SGCE: variants seen among roughly 807,000 people sequenced by gnomAD.
SGCE encodes the protein sarcoglycan epsilon.
SGCE carries 26 observed loss-of-function variants against 57.8 expected under a neutral mutation model. The observed-to-expected ratio is 0.45, with a 90% CI of 0.33 to 0.62. SGCE has a LOEUF of 0.62. Ranked by LOEUF, SGCE falls within the 20% of genes least tolerant of loss-of-function variation. SGCE has a pLI of 0.02. For synonymous variants in SGCE, 183 were observed against 189.5 expected (o/e 0.97, Z 0.28); for missense variants, 468 against 548.6 (o/e 0.85, Z 1.47).
intron 10 of SGCE, chr7:94,586,972 A>G: frequency 1.0e-6 from 1 of 984,384 alleles, no homozygotes; most frequent in Non-Finnish European, 1.2e-6. Context: ...TTTAGTCTAT[A>G]ATATGATCCA....
intron 5 of SGCE, among the ~76,000 whole-genome samples, chr7:94,614,107 CAA>C (rs925650428): frequency 1.2e-4 from 11 of 94,962 alleles, no homozygotes; most frequent in African/African-American, 3.9e-4. Context: ...AAATTGAAAT[CAA>C]AAAAAAAAAA....
At chr7:94,588,098 T>C in intron 10 of SGCE, 1 of 1,197,272 alleles carries the variant, frequency 8.4e-7, no homozygotes, top group Non-Finnish European at 1.0e-6. Flanking sequence ...TAGAGATGAA[T>C]GAAATAATTG....
intron 7 of SGCE, chr7:94,600,368 T>C: frequency 2.6e-6 from 1 of 382,128 alleles, no homozygotes. Flanking sequence ...ATAACCAAAA[T>C]ATCTAGCCTC....
At chr7:94,609,098 G>A (rs1411070926) in intron 5 of SGCE, among the ~76,000 whole-genome samples, 1 of 152,204 alleles carries the variant, frequency 6.6e-6, no homozygotes, top group Non-Finnish European at 1.5e-5. Flanking sequence ...TTTCTCTTCT[G>A]CAAAAGACAC....
At chr7:94,587,706 T>G in intron 10 of SGCE, 1 of 1,534,048 alleles carries the variant, frequency 6.5e-7, no homozygotes, top group South Asian at 1.2e-5. Flanking sequence ...AAGCAAGTAA[T>G]CAAAATTGTA....
chr7:94,629,936 C>A (rs1804428055), intron 1 of SGCE, 95 bp from the exon 2 acceptor site: 1 of 1,416,280 alleles, frequency 7.1e-7, no homozygotes, highest in South Asian at 1.2e-5. Context: ...AGGGGTCTCA[C>A]TATGTAGACA....
At chr7:94,586,061 G>GAAAAAAAAAAAAAAAA (rs780812386) in intron 10 of SGCE, among the ~76,000 whole-genome samples, 1 of 28,904 alleles carries the variant, frequency 3.5e-5, no homozygotes, top group Non-Finnish European at 5.9e-5. Flanking sequence ...GGAACTAAAT[G>GAAAAAAAAAAAAAAAA]AAAAAAAAAA....
At chr7:94,630,035 A>G in intron 1 of SGCE, 194 bp from the exon 2 acceptor site, 1 of 577,184 alleles carries the variant, frequency 1.7e-6, no homozygotes, top group Non-Finnish European at 3.0e-6. Flanking sequence ...ATGGGAAAAA[A>G]TTCTTTTGAT....
At chr7:94,641,598 G>A (rs1175777140) in intron 1 of SGCE, among the ~76,000 whole-genome samples, 3 of 152,078 alleles carry the variant, frequency 2.0e-5, no homozygotes, top group Non-Finnish European at 4.4e-5. Context: ...AAAAGGAAAG[G>A]AAAGTGAAGA....
At chr7:94,585,960 C>G (rs1015943752) in intron 10 of SGCE, among the ~76,000 whole-genome samples, 2 of 144,324 alleles carry the variant, frequency 1.4e-5, no homozygotes, top group Non-Finnish European at 3.0e-5. Flanking sequence ...TTTAACTGCT[C>G]TATTATCCCA....
At chr7:94,651,361 C>T (rs1807844812) in intron 1 of SGCE, among the ~76,000 whole-genome samples, 1 of 152,296 alleles carries the variant, frequency 6.6e-6, no homozygotes, top group South Asian at 2.1e-4. Context: ...GTCATTCGTA[C>T]AAATGCTGAG....
At chr7:94,636,648 T>A (rs1805626217) in intron 1 of SGCE, among the ~76,000 whole-genome samples, 1 of 152,244 alleles carries the variant, frequency 6.6e-6, no homozygotes, top group South Asian at 2.1e-4. Context: ...ATCTGGAGTA[T>A]TCCTTATTGC....
intron 1 of SGCE, among the ~76,000 whole-genome samples, chr7:94,631,769 A>C (rs1804764895): frequency 6.6e-6 from 1 of 151,960 alleles, no homozygotes; most frequent in South Asian, 2.1e-4. Context: ...ACTCCTGCTA[A>C]AAAGTCATTT....
rs1457929148 is a variant in SGCE at position 94,587,960 on chromosome 7, A to G, written c.1297+729T>C. The G allele has an allele frequency of 3.5e-6, 5 of 1,426,228 alleles. No individual in the cohort carries two copies. The African/African-American group carries it at 5.9e-5, about 17-fold the overall frequency. 88.3% of individuals were successfully genotyped at this position (1,426,228 alleles called of 1,614,324 possible). Reference sequence around the variant, plus strand: ...ATTCATACTCAGAATTCCACACCCAACTTACATTTTTAAAACTTCTCTTGC... The same window carrying G: ...ATTCATACTCAGAATTCCACACCCAGCTTACATTTTTAAAACTTCTCTTGC... On this transcript the variant is annotated intron_variant, in intron 10 of 10. Coordinates refer to ENST00000648936, the MANE Select transcript of SGCE (RefSeq NM_003919.3).
chr7:94,643,904 C>T (rs1018650195), intron 1 of SGCE, among the ~76,000 whole-genome samples: 9 of 152,056 alleles, frequency 5.9e-5, no homozygotes, highest in African/African-American at 2.2e-4. Context: ...AATATGTATC[C>T]TACCTACAAC....
At chr7:94,613,276 GTAA>G (rs969358814) in intron 5 of SGCE, among the ~76,000 whole-genome samples, 1 of 152,084 alleles carries the variant, frequency 6.6e-6, no homozygotes, top group African/African-American at 2.4e-5. Context: ...GAGTCCATGT[GTAA>G]TAATAATAAC....
At chr7:94,607,562 T>G (rs6943782) in intron 5 of SGCE, among the ~76,000 whole-genome samples, 119,132 of 152,092 alleles carry the variant, frequency 0.78, 47,378 homozygotes, top group African/African-American at 0.92. Flanking sequence ...GACAGCATCA[T>G]CAGATGCAGG....
At chr7:94,654,404 T>TAAAC (rs1228112379) in intron 1 of SGCE, among the ~76,000 whole-genome samples, 2 of 152,138 alleles carry the variant, frequency 1.3e-5, no homozygotes, top group East Asian at 3.8e-4. Context: ...CTTTCGAATT[T>TAAAC]AAACAAACAA....
chr7:94,605,559 A>G (rs536335927), intron 5 of SGCE, among the ~76,000 whole-genome samples: 1 of 152,306 alleles, frequency 6.6e-6, no homozygotes, highest in African/African-American at 2.4e-5. Flanking sequence ...TTATTTTATC[A>G]TAAGATACCT....
Sources: gnomAD v4.1 joint callset for allele counts (sites outside exome capture counted in the v4.1 genomes callset) on GRCh38, gnomAD v4.1.1 for gene constraint, MANE v1.5 for transcripts, NCBI Gene and HGNC (gene_info 2026-07-23, HGNC 2026-07-21) for gene names.